Variants in HOXC4 observed in about 807,000 individuals in gnomAD.
HOXC4 encodes homeobox protein Hox-C4.
Under a neutral mutation model 25.5 loss-of-function variants are expected in HOXC4, and 15 were observed. The observed-to-expected ratio is 0.59, with a 90% CI of 0.39 to 0.91. The LOEUF is 0.91. Ranked by LOEUF, HOXC4 falls within the 40% of genes least tolerant of loss-of-function variation. The probability of loss-of-function intolerance (pLI) is 0.00; values close to 1 mark genes in which losing one functional copy is unlikely to be tolerated. For synonymous variants in HOXC4, 165 were observed against 148.0 expected (o/e 1.11, Z -0.83); for missense variants, 342 against 352.4 (o/e 0.97, Z 0.24).
At chr12:54,027,889 T>G (rs1049006725) in intron 1 of HOXC4, among the ~76,000 whole-genome samples, 1 of 152,154 alleles carries the variant, frequency 6.6e-6, no homozygotes, top group African/African-American at 2.4e-5. Flanking sequence ...TTATGAAATT[T>G]CTTTCTACTT....
chr12:54,055,508 A>G lies in HOXC4; in HGVS notation c.*303A>G, dbSNP rs1015126539. 6.5e-6 allele frequency: 1 copy of G among 153,042 alleles called. No homozygotes were observed. The highest frequency in any genetic ancestry group is 2.4e-5 in the African/African-American group (1 of 41,240). The allele number at this position is 153,042 out of a possible 1,614,324, so 9.5% of individuals were successfully genotyped here. On this transcript the variant is annotated 3_prime_UTR_variant, in exon 2 of 2. Transcript: ENST00000430889. ...TTTGGGGGGTTATTTATTTTTTAAGAAAAAAAGCTGCAAAAATTATATATT... is the reference window on the plus strand; with the variant it reads ...TTTGGGGGGTTATTTATTTTTTAAGGAAAAAAGCTGCAAAAATTATATATT...
At chr12:54,044,949 T>A (rs766125868) in intron 1 of HOXC4, among the ~76,000 whole-genome samples, 6 of 152,098 alleles carry the variant, frequency 3.9e-5, no homozygotes, top group Non-Finnish European at 8.8e-5. Context: ...TCAAGCCAGA[T>A]CAGGTCAGGA....
intron 1 of HOXC4, chr12:54,035,379 CTGTT>C (rs1369439623): frequency 6.6e-6 from 1 of 152,646 alleles, no homozygotes; most frequent in African/African-American, 2.4e-5. Context: ...TGGCTCCTGT[CTGTT>C]TGGGGCATGT....
upstream of HOXC4, among the ~76,000 whole-genome samples, chr12:54,049,330 G>A (rs1038151277): frequency 2.0e-5 from 3 of 152,142 alleles, no homozygotes; most frequent in Admixed American, 6.5e-5. Flanking sequence ...TCAAACACCC[G>A]AGGTGAAATG....
chr12:54,028,737 T>G, intron 1 of HOXC4: 2 of 1,614,160 alleles, frequency 1.2e-6, no homozygotes, highest in South Asian at 2.2e-5. Context: ...CGTATGACTA[T>G]GGATCTAATT....
chr12:54,016,980 T>C (rs555994152), exon 1 of HOXC4: 1 of 152,094 alleles, frequency 6.6e-6, no homozygotes, highest in Admixed American at 6.5e-5. Flanking sequence ...TAAATTAATC[T>C]GATTAATAAT....
chr12:54,052,513 T>A (rs1474823697), upstream of HOXC4, among the ~76,000 whole-genome samples: 1 of 151,090 alleles, frequency 6.6e-6, no homozygotes, highest in African/African-American at 2.4e-5. Flanking sequence ...CCCGCAACTC[T>A]GAGTTATGGG....
At chr12:54,041,049 T>C (rs1435527446) in intron 1 of HOXC4, among the ~76,000 whole-genome samples, 2 of 152,198 alleles carry the variant, frequency 1.3e-5, no homozygotes, top group Non-Finnish European at 2.9e-5. Context: ...TTTAACAGGA[T>C]ATAATAATAG....
intron 1 of HOXC4, chr12:54,033,167 T>C (rs774926007): frequency 3.7e-6 from 6 of 1,614,098 alleles, no homozygotes; most frequent in Non-Finnish European, 5.1e-6. Context: ...AGAGCCCCAA[T>C]ATCCCTGCCT....
chr12:54,043,193 C>G (rs1321446667), intron 1 of HOXC4, among the ~76,000 whole-genome samples: 1 of 152,230 alleles, frequency 6.6e-6, no homozygotes, highest in Non-Finnish European at 1.5e-5. Context: ...GTCCACTGCT[C>G]CAGGCATGCT....
At chr12:54,052,572 G>GGC (rs924496346), upstream of HOXC4, among the ~76,000 whole-genome samples, 16 of 149,278 alleles carry the variant, frequency 1.1e-4, no homozygotes, top group African/African-American at 4.0e-4. Flanking sequence ...CCCTAGCTGG[G>GGC]GGGGGGGGGT....
intron 1 of HOXC4, among the ~76,000 whole-genome samples, chr12:54,044,430 A>T (rs1006871466): frequency 6.6e-6 from 1 of 151,986 alleles, no homozygotes; most frequent in Admixed American, 6.6e-5. Flanking sequence ...CCCCTCAGTC[A>T]CAAAGGAACT....
At chr12:54,047,378 C>G (rs769424169) in intron 1 of HOXC4, among the ~76,000 whole-genome samples, 4 of 152,246 alleles carry the variant, frequency 2.6e-5, no homozygotes, top group Non-Finnish European at 5.9e-5. Flanking sequence ...GCCGGTCTCC[C>G]GAGCACCGCG....
At chr12:54,046,768 C>G (rs1303614712) in intron 1 of HOXC4, among the ~76,000 whole-genome samples, 1 of 152,124 alleles carries the variant, frequency 6.6e-6, no homozygotes, top group Non-Finnish European at 1.5e-5. Context: ...CCCTTTCTCT[C>G]CCCACCCTAA....
Position 54,054,288 on chromosome 12 carries a change from C to A in HOXC4, c.366C>A (p.Pro122=), listed in dbSNP as rs757818524. ...CGCCAGCCTGCAGCCAGCCAGCCCC[C>A]GACCATCCCTCCAGCGCCGCCAGCA... is the stretch of plus-strand genomic sequence containing the variant. ...PAPPACSQPA[P]DHPSSAASKQ... Residue 122 remains proline (P), a synonymous_variant, in exon 1 of 2, where the codon CCC becomes CCA. Coordinates refer to ENST00000430889, the MANE Select transcript of HOXC4 (RefSeq NM_153633.3). 2 of 1,608,520 alleles carry A rather than the reference C, an allele frequency of 1.2e-6. No individual in the cohort carries two copies. The highest frequency in any genetic ancestry group is 1.7e-6 in the Non-Finnish European group (2 of 1,177,168).
Position 54,055,227 on chromosome 12 carries a change from C to T in HOXC4, c.*22C>T. 7.3e-7 allele frequency: 1 copy of T among 1,367,370 alleles called. No homozygotes were observed. Among genetic ancestry groups the T allele is most frequent in the Non-Finnish European group, 9.8e-7 (1 of 1,016,354 alleles). 84.7% of individuals were successfully genotyped at this position (1,367,370 alleles called of 1,614,324 possible). On this transcript the variant is annotated 3_prime_UTR_variant, in exon 2 of 2. Transcript: ENST00000430889. ...ATAAAACATAACTCACACCCCTGCC[C>T]CCACCCCATGCCCCCACCCTCCCCT...
intron 1 of HOXC4, among the ~76,000 whole-genome samples, chr12:54,024,830 C>A (rs1484505598): frequency 6.6e-6 from 1 of 152,204 alleles, no homozygotes; most frequent in Non-Finnish European, 1.5e-5. Flanking sequence ...TGACTGCACC[C>A]CACTCAGGTC....
chr12:54,054,887 G>C lies in HOXC4; in HGVS notation c.477G>C (p.Ser159=). 1 of 1,612,508 alleles carries C rather than the reference G, an allele frequency of 6.2e-7. No homozygotes were observed. The change falls in exon 2 of 2, where the codon TCG becomes TCC. Residue 159 remains serine (S), a synonymous_variant. Transcript: ENST00000430889. The part of the protein sequence containing the change: ...PNYNGGEPKR[S]RTAYTRQQVL... ...ATAACGGAGGGGAACCCAAGCGCTC[G>C]AGGACAGCCTATACCCGGCAGCAAG...
chr12:54,036,214 A>G (rs1421929721), intron 1 of HOXC4, among the ~76,000 whole-genome samples: 1 of 152,120 alleles, frequency 6.6e-6, no homozygotes, highest in Non-Finnish European at 1.5e-5. Context: ...AGCACTTTAC[A>G]GTAGAAACAA....
Sources: allele counts gnomAD v4.1 joint callset (sites outside exome capture counted in the v4.1 genomes callset), GRCh38; gene constraint gnomAD v4.1.1; transcripts MANE v1.5; gene names NCBI Gene and HGNC (gene_info 2026-07-23, HGNC 2026-07-21).